SPATA21: variants seen among roughly 807,000 people sequenced by gnomAD.
The protein encoded by SPATA21 is spermatogenesis-associated protein 21.
In SPATA21, 47 loss-of-function variants were observed where a neutral mutation model predicts 54.8. The observed-to-expected ratio is 0.86, with a 90% CI of 0.68 to 1.09. The LOEUF is 1.09. SPATA21 is among the 50% of genes least tolerant of loss of function. The pLI is 0.00. For synonymous variants in SPATA21, 245 were observed against 235.3 expected (o/e 1.04, Z -0.38); for missense variants, 599 against 596.4 (o/e 1.00, Z -0.05).
intron 5 of SPATA21, among the ~76,000 whole-genome samples, chr1:16,418,633 T>C (rs934736002): frequency 2.6e-5 from 4 of 151,284 alleles, no homozygotes; most frequent in African/African-American, 7.3e-5. Flanking sequence ...AGTGCCGCTA[T>C]CTTGGCTCAC....
chr1:16,407,700 C>T (rs1438299515), intron 7 of SPATA21, among the ~76,000 whole-genome samples: 1 of 151,994 alleles, frequency 6.6e-6, no homozygotes, highest in Non-Finnish European at 1.5e-5. Context: ...CCTCGTGATC[C>T]ACCCGCCTAA....
At chr1:16,410,198 G>GATCCTGCCCCACGTC (rs2085798956) in intron 5 of SPATA21, among the ~76,000 whole-genome samples, 155 bp from the exon 6 acceptor site, 1 of 152,112 alleles carries the variant, frequency 6.6e-6, no homozygotes, top group African/African-American at 2.4e-5. Context: ...ACCCCACTGT[G>GATCCTGCCCCACGTC]CTCCTGCCCC....
At chr1:16,419,830 C>T (rs2086118783) in intron 5 of SPATA21, among the ~76,000 whole-genome samples, 1 of 152,106 alleles carries the variant, frequency 6.6e-6, no homozygotes, top group Non-Finnish European at 1.5e-5. Context: ...ATCCCACCTA[C>T]TCGGGAGGCT....
chr1:16,400,674 G>T (rs371561244), intron 11 of SPATA21, 46 bp downstream of exon 11: 1 of 1,557,152 alleles, frequency 6.4e-7, no homozygotes, highest in Non-Finnish European at 8.7e-7. Flanking sequence ...GGGCAAGAGA[G>T]CAAAGCCCCA....
chr1:16,398,900 G>A (rs140926904), intron 12 of SPATA21, 78 bp from the exon 13 acceptor site: 273 of 1,445,960 alleles, frequency 1.9e-4, no homozygotes, highest in Non-Finnish European at 2.3e-4. Flanking sequence ...CCATCTGTGC[G>A]TGCCCAAGTG....
chr1:16,421,800 C>T lies in SPATA21; in HGVS notation c.95+111G>A. On this transcript the variant is annotated intron_variant, in intron 4 of 12. Coordinates refer to ENST00000335496, the MANE Select transcript of SPATA21 (RefSeq NM_198546.1). This position sits in a 1 kb window ranked among gnomAD's most constrained non-coding sequence, Gnocchi z 5.2. ...GAGACCCAGCGGAGCATGACTTGCC[C>T]AAGGTCCTCTACCAGGTCAGGAGCA... The T allele has an allele frequency of 1.3e-6, 2 of 1,524,088 alleles. No homozygotes were observed. Among genetic ancestry groups the T allele is most frequent in the Admixed American group, 1.7e-5 (1 of 58,482 alleles). 94.4% of individuals were successfully genotyped at this position (1,524,088 alleles called of 1,614,324 possible). A position where few individuals can be genotyped will look rare whatever the true frequency, so the allele number is the denominator to read the frequency against.
chr1:16,406,324 A>C (rs1170718608), intron 7 of SPATA21, among the ~76,000 whole-genome samples: 1 of 152,142 alleles, frequency 6.6e-6, no homozygotes, highest in Non-Finnish European at 1.5e-5. Flanking sequence ...TCTTATGTTG[A>C]AGCCCTAACT....
chr1:16,421,162 A>G lies in SPATA21; in HGVS notation c.144+347T>C, dbSNP rs929198382. Among the ~76,000 whole-genome samples the G allele has an allele frequency of 6.6e-6, 1 of 152,046 alleles. No individual in the cohort carries two copies. The highest frequency in any genetic ancestry group is 1.5e-5 in the Non-Finnish European group (1 of 67,970). On this transcript the variant is annotated intron_variant, in intron 5 of 12. Transcript: ENST00000335496. This position sits in a 1 kb window ranked among gnomAD's most constrained non-coding sequence, Gnocchi z 5.2. ...GGTCGGGGAAGCCTCCCAGGTGTTC[A>G]GGGATGCTTTGGATTGTGTGGCTGT... is the stretch of plus-strand genomic sequence containing the variant.
rs2086175917 is a variant in SPATA21, at chr1:16,421,648, T to C, written c.96-91A>G. 1 of 1,367,854 alleles carries C rather than the reference T, an allele frequency of 7.3e-7. No homozygotes were observed. The highest frequency in any genetic ancestry group is 1.4e-5 in the African/African-American group (1 of 69,536). 84.7% of individuals were successfully genotyped at this position (1,367,854 alleles called of 1,614,324 possible). On this transcript the variant is annotated intron_variant, in intron 4 of 12. Transcript: ENST00000335496. The surrounding 1 kb of genome is among the most constrained non-coding windows in gnomAD (Gnocchi z 5.2). ...CCTCTCAGCCCCCAGGACACTCAGTTCCACCCCAGCCTCATCCCCTTGGCC... is the reference window on the plus strand; with the variant it reads ...CCTCTCAGCCCCCAGGACACTCAGTCCCACCCCAGCCTCATCCCCTTGGCC...
In SPATA21 at chr1:16,405,024, C is replaced by G. The variant is rs2085584598; in HGVS notation, c.754G>C (p.Gly252Arg). 1 of 1,609,048 alleles carries G rather than the reference C, an allele frequency of 6.2e-7. No homozygotes were observed. The highest frequency in any genetic ancestry group is 8.5e-7 in the Non-Finnish European group (1 of 1,178,570). Residue 252 changes from glycine to arginine, a missense_variant, in exon 8 of 13, where the codon GGC becomes CGC. Physicochemically the swap from Gly to Arg is moderately radical, Grantham distance 125. Coordinates refer to ENST00000335496, the MANE Select transcript of SPATA21 (RefSeq NM_198546.1). ...QSLKNILLLM[G>R]FSVTLAQVED... ...ACCTGGGCCAGCGTCACAGAGAAGCCCATTAGGAGCAGGATATTCTTCAGG... is the reference window on the plus strand; with the variant it reads ...ACCTGGGCCAGCGTCACAGAGAAGCGCATTAGGAGCAGGATATTCTTCAGG...
At chr1:16,422,064 A>ACAGGACACCTGCC (rs2086188646) in intron 3 of SPATA21, 93 bp from the exon 4 acceptor site, 1 of 1,605,946 alleles carries the variant, frequency 6.2e-7, no homozygotes, top group East Asian at 2.2e-5. Context: ...CTGTGGCCTG[A>ACAGGACACCTGCC]TGTGTGGGAC....
intron 3 of SPATA21, among the ~76,000 whole-genome samples, chr1:16,422,395 C>T (rs1010171146): frequency 6.6e-6 from 1 of 152,122 alleles, no homozygotes; most frequent in Non-Finnish European, 1.5e-5. Context: ...GAAATTGAAG[C>T]CCAGAGAAGG....
Position 16,403,828 on chromosome 1 carries a change from C to T in SPATA21, c.900G>A (p.Ser300=), listed in dbSNP as rs766169355. Residue 300 remains serine (S), a synonymous_variant, in exon 10 of 13, where the codon TCG becomes TCA. Transcript: ENST00000335496. The part of the protein sequence containing the change: ...FFCSVEQNAL[S]DMAPHNPHTL... ...TGTGGGGGTTGTGGGGAGCCATGTC[C>T]GACAGGGCGTTCTGTTCTGGAGACA... 21 of 1,609,860 alleles carry T rather than the reference C, an allele frequency of 1.3e-5. No individual in the cohort carries two copies. Among genetic ancestry groups the T allele is most frequent in the South Asian group, 4.4e-5 (4 of 90,382 alleles).
intron 8 of SPATA21, among the ~76,000 whole-genome samples, chr1:16,404,703 A>G (rs2085572228): frequency 6.6e-6 from 1 of 152,138 alleles, no homozygotes; most frequent in African/African-American, 2.4e-5. Flanking sequence ...CCAATTACTC[A>G]GGAGGCTGAG....
intron 5 of SPATA21, among the ~76,000 whole-genome samples, chr1:16,414,965 C>T (rs1022338157): frequency 8.0e-5 from 12 of 150,662 alleles, no homozygotes; most frequent in Non-Finnish European, 1.0e-4. Flanking sequence ...TTTCCCATGT[C>T]GAAGACTCCT....
rs1394109008 is a variant in SPATA21, at chr1:16,409,137, C to T, written c.654G>A (p.Leu218=). The part of the protein sequence containing the change: ...YQNREKSEEQ[L]TLKQEEAFRS... ...CCTCACCTTCCTCTTGCTTCAGGGTCAGTTGCTCCTCGGACTTCTCCCGGT... is the reference window on the plus strand; with the variant it reads ...CCTCACCTTCCTCTTGCTTCAGGGTTAGTTGCTCCTCGGACTTCTCCCGGT... Residue 218 remains leucine (L), a synonymous_variant, in exon 7 of 13, where the codon CTG becomes CTA. Transcript: ENST00000335496. The surrounding 1 kb of genome is among the most constrained non-coding windows in gnomAD (Gnocchi z 4.1). The T allele has an allele frequency of 1.2e-6, 2 of 1,614,022 alleles. No individual in the cohort carries two copies. Among genetic ancestry groups the T allele is most frequent in the African/African-American group, 2.7e-5 (2 of 74,940 alleles).
intron 5 of SPATA21, among the ~76,000 whole-genome samples, chr1:16,412,718 C>T (rs951262526): frequency 2.2e-4 from 34 of 152,320 alleles, no homozygotes; most frequent in African/African-American, 8.2e-4. Context: ...CTGCCTCGGC[C>T]TCCCAAAGTG....
chr1:16,401,038 T>C (rs2085431938), intron 10 of SPATA21, 146 bp from the exon 11 acceptor site: 4 of 960,308 alleles, frequency 4.2e-6, no homozygotes, highest in Non-Finnish European at 6.1e-6. Context: ...GCTCAGCCCT[T>C]TCTGTGACCA....
chr1:16,421,857 C>T lies in SPATA21; in HGVS notation c.95+54G>A. On this transcript the variant is annotated intron_variant, in intron 4 of 12. Coordinates refer to ENST00000335496, the MANE Select transcript of SPATA21 (RefSeq NM_198546.1). This position sits in a 1 kb window ranked among gnomAD's most constrained non-coding sequence, Gnocchi z 5.2. ...ACTAGAATTCACCCCACCTGAAACT[C>T]AGCAGAAGAGCATCCTTGTTGGGGG... 1.2e-6 allele frequency: 2 copies of T among 1,613,662 alleles called. No homozygotes were observed. Among genetic ancestry groups the T allele is most frequent in the Non-Finnish European group, 1.7e-6 (2 of 1,179,580 alleles).
Sources: gnomAD v4.1 joint callset for allele counts (sites outside exome capture counted in the v4.1 genomes callset) on GRCh38, gnomAD v4.1.1 for gene constraint, Gnocchi (gnomAD v3.1) non-coding constraint, MANE v1.5 for transcripts, NCBI Gene and HGNC (gene_info 2026-07-23, HGNC 2026-07-21) for gene names.